Variants in PCDHGA5 observed in about 807,000 individuals in gnomAD.
PCDHGA5 encodes protocadherin gamma subfamily A, 5, also known as protocadherin gamma-A5.
PCDHGA5 carries 36 observed loss-of-function variants against 56.7 expected under a neutral mutation model. The observed-to-expected ratio is 0.64, with a 90% confidence interval of 0.49 to 0.84. PCDHGA5 has a LOEUF of 0.84. Ranked by LOEUF, PCDHGA5 falls within the 40% of genes least tolerant of loss-of-function variation. PCDHGA5 has a pLI of 0.00. For synonymous variants in PCDHGA5, 563 were observed against 520.2 expected, an observed-to-expected ratio of 1.08 and a Z score of -1.12; for missense variants, 1,305 against 1,201.5, an observed-to-expected ratio of 1.09 and a Z score of -1.27.
rs766852982 is a variant in PCDHGA5, at chr5:141,486,907, A to G, written c.2422-7900A>G. ...CCCGGCCTGGTTCCTTATGTCCCCA[A>G]GCACTGCCTCCATCAGTTGGTGCTG... On this transcript the variant is annotated intron_variant, in intron 1 of 3. Coordinates refer to ENST00000518069, the MANE Select transcript of PCDHGA5 (RefSeq NM_018918.3). The surrounding 1 kb of genome is among the most constrained non-coding windows in gnomAD (Gnocchi z 5.0). 6.2e-5 allele frequency: 100 copies of G among 1,614,122 alleles called. No homozygotes were observed. The highest frequency in any genetic ancestry group is 8.0e-5 in the Non-Finnish European group (94 of 1,180,056).
chr5:141,464,921 G>C (rs1562002597), intron 1 of PCDHGA5, among the ~76,000 whole-genome samples: 6 of 151,106 alleles, frequency 4.0e-5, no homozygotes, highest in Admixed American at 3.3e-4. Flanking sequence ...TTATTTTTTT[G>C]TAGAGATGTG....
At chr5:141,429,169 T>TACACACACACACACACAC (rs10667977) in intron 1 of PCDHGA5, 2 of 145,394 alleles carry the variant, frequency 1.4e-5, no homozygotes, top group African/African-American at 5.1e-5. Flanking sequence ...ACATTGTTTA[T>TACACACACACACACACAC]ACACACACAC....
At position 141,399,541 on chromosome 5, in the gene PCDHGA5, G is replaced by T. The variant is rs1301909841; in HGVS notation, c.2421+32790G>T. Reference sequence around the variant, plus strand: ...TGGGGCCTCCATCGCGCAAGTCTGCGCCTCGGACCTGGACTTGGGGTTGAA... The same window carrying T: ...TGGGGCCTCCATCGCGCAAGTCTGCTCCTCGGACCTGGACTTGGGGTTGAA... On this transcript the variant is annotated intron_variant, in intron 1 of 3. Transcript: ENST00000518069. 1.9e-6 allele frequency: 3 copies of T among 1,613,926 alleles called. No individual in the cohort carries two copies. In the Admixed American group the frequency reaches 5.0e-5, roughly 27 times the overall value.
At position 141,400,271 on chromosome 5, in the gene PCDHGA5, C is replaced by A. The variant is rs2093993934; in HGVS notation, c.2421+33520C>A. The A allele has an allele frequency of 4.3e-6, 7 of 1,614,094 alleles. No individual in the cohort carries two copies. In the African/African-American group the frequency reaches 9.3e-5, roughly 21 times the overall value. The stretch of plus-strand genomic sequence containing the variant: ...GTTGCCTTGCGCCTGCGACGCTCCT[C>A]CAGCCCTGCCGCCTGGAGCTGCTTC... On this transcript the variant is annotated intron_variant, in intron 1 of 3. Transcript: ENST00000518069.
intron 1 of PCDHGA5, 157 bp from the exon 2 acceptor site, chr5:141,494,645 GTGTAT>G: frequency 1.1e-6 from 1 of 935,948 alleles, no homozygotes; most frequent in Non-Finnish European, 1.3e-6. Context: ...GAGACCTGAG[GTGTAT>G]TTTGTCTTTG....
chr5:141,421,731 C>A (rs73792198), intron 1 of PCDHGA5: 144,261 of 1,613,668 alleles, frequency 0.089, 7,407 homozygotes, highest in African/African-American at 0.18. Flanking sequence ...TGAACTCCCT[C>A]CAGAGCTACC....
At chr5:141,404,472 T>C in intron 1 of PCDHGA5, 1 of 1,613,692 alleles carries the variant, frequency 6.2e-7, no homozygotes, top group Non-Finnish European at 8.5e-7. Context: ...TATGTCTCTA[T>C]TAACTCAGAC....
rs1476740920 is a variant in PCDHGA5, at chr5:141,443,326, A to AC, written c.2422-51481_2422-51480insC. Among the ~76,000 whole-genome samples the AC allele has an allele frequency of 3.3e-5, 5 of 151,792 alleles. No homozygotes were observed. The South Asian group carries it at 8.3e-4, about 25-fold the overall frequency. ...CAAAAACCCATCTCTACAAAAAAAA[A>AC]AAACAAAAATTAACAAGGTTTAGTG... On this transcript the variant is annotated intron_variant, in intron 1 of 3. Transcript: ENST00000518069.
chr5:141,381,798 C>CTCTTTCTT (rs372235829), intron 1 of PCDHGA5, among the ~76,000 whole-genome samples: 5 of 144,132 alleles, frequency 3.5e-5, no homozygotes, highest in African/African-American at 8.0e-5. Context: ...AGGCAATTCC[C>CTCTTTCTT]TCTTTCTTTC....
Position 141,512,423 on chromosome 5 carries a change from T to C in PCDHGA5, c.*1250T>C, listed in dbSNP as rs2099884220. ...GATGGGGCTTCTTCAACAGGGCCCC[T>C]GCCCTCCTGAAGCCTCAGTCCTTCA... is the stretch of plus-strand genomic sequence containing the variant. On this transcript the variant is annotated 3_prime_UTR_variant, in exon 4 of 4. Transcript: ENST00000518069. 1 of 152,754 alleles carries C rather than the reference T, an allele frequency of 6.5e-6. No individual in the cohort carries two copies. The highest frequency in any genetic ancestry group is 6.5e-5 in the Admixed American group (1 of 15,274). The allele number at this position is 152,754 out of a possible 1,614,324, so 9.5% of individuals were successfully genotyped here.
Position 141,431,709 on chromosome 5 carries a change from T to G in PCDHGA5, c.2422-63098T>G, listed in dbSNP as rs1561854893. ...CACGAGGAGTCAGGATTCTACCAGA[T>G]GGAAGTGCAAGCAATGGATAATGCA... On this transcript the variant is annotated intron_variant, in intron 1 of 3. Coordinates refer to ENST00000518069, the MANE Select transcript of PCDHGA5 (RefSeq NM_018918.3). The surrounding 1 kb of genome is among the most constrained non-coding windows in gnomAD (Gnocchi z 4.8). The G allele has an allele frequency of 6.2e-7, 1 of 1,614,168 alleles. No individual in the cohort carries two copies. Among genetic ancestry groups the G allele is most frequent in the Middle Eastern group, 1.6e-4 (1 of 6,062 alleles).
rs766503118 is a variant in PCDHGA5, at chr5:141,365,925, T to C, written c.1595T>C (p.Val532Ala). Reference sequence around the variant, plus strand: ...CAGTTGAGAGACCTACAGTTGTGGGTGACAGCCAGCGACAGTGGGAACCCT... The same window carrying C: ...CAGTTGAGAGACCTACAGTTGTGGGCGACAGCCAGCGACAGTGGGAACCCT... ...YEQLRDLQLW[V>A]TASDSGNPPL... Residue 532 changes from valine to alanine, a missense_variant, in exon 1 of 4, where the codon GTG becomes GCG. By Grantham distance (64) the Val-to-Ala change is moderately conservative. Coordinates refer to ENST00000518069, the MANE Select transcript of PCDHGA5 (RefSeq NM_018918.3). 3 of 1,614,168 alleles carry C rather than the reference T, an allele frequency of 1.9e-6. No homozygotes were observed. The highest frequency in any genetic ancestry group is 2.5e-6 in the Non-Finnish European group (3 of 1,180,020).
chr5:141,432,069 A>T lies in PCDHGA5; in HGVS notation c.2422-62738A>T. ...ACCCCGCCCCTATCCACGGAAACTC[A>T]TATCTCGCTGAACGTGGCAGACACC... is the stretch of plus-strand genomic sequence containing the variant. On this transcript the variant is annotated intron_variant, in intron 1 of 3. Coordinates refer to ENST00000518069, the MANE Select transcript of PCDHGA5 (RefSeq NM_018918.3). This position sits in a 1 kb window ranked among gnomAD's most constrained non-coding sequence, Gnocchi z 6.0. The T allele has an allele frequency of 6.2e-7, 1 of 1,614,168 alleles. No homozygotes were observed. The highest frequency in any genetic ancestry group is 8.5e-7 in the Non-Finnish European group (1 of 1,180,038).
intron 3 of PCDHGA5, 120 bp downstream of exon 3, chr5:141,505,601 C>T (rs1171679451): frequency 6.4e-7 from 1 of 1,550,630 alleles, no homozygotes; most frequent in Non-Finnish European, 8.7e-7. Flanking sequence ...GATCTTTCGG[C>T]AGGTCTGAAA....
intron 1 of PCDHGA5, among the ~76,000 whole-genome samples, chr5:141,455,133 CTG>C (rs2098814252): frequency 6.6e-6 from 1 of 151,392 alleles, no homozygotes; most frequent in African/African-American, 2.4e-5. Flanking sequence ...TTAAATTACA[CTG>C]TGTTAAATAA....
chr5:141,475,935 C>CCCGT, intron 1 of PCDHGA5: 1 of 669,050 alleles, frequency 1.5e-6, no homozygotes, highest in Middle Eastern at 4.2e-4. Flanking sequence ...CGGGCCCCTG[C>CCCGT]CCGTCCCCTT....
chr5:141,420,422 A>C, intron 1 of PCDHGA5: 1 of 1,196,438 alleles, frequency 8.4e-7, no homozygotes, highest in Non-Finnish European at 1.1e-6. Context: ...TATTAAAACA[A>C]AAGTTTAAAT....
At chr5:141,438,585 TAC>T (rs1561889967) in intron 1 of PCDHGA5, among the ~76,000 whole-genome samples, 141 of 61,160 alleles carry the variant, frequency 2.3e-3, no homozygotes, top group South Asian at 4.3e-3. Flanking sequence ...CATACATACA[TAC>T]ATACATATAT....
chr5:141,374,715 T>C (rs1260634763), intron 1 of PCDHGA5: 1 of 1,609,848 alleles, frequency 6.2e-7, no homozygotes, highest in Non-Finnish European at 8.5e-7. Context: ...TACCGCCTGG[T>C]CCTTACTGCC....
Sources: gnomAD v4.1 joint callset for allele counts (sites outside exome capture counted in the v4.1 genomes callset) on GRCh38, gnomAD v4.1.1 for gene constraint, Gnocchi (gnomAD v3.1) non-coding constraint, MANE v1.5 for transcripts, NCBI Gene and HGNC (gene_info 2026-07-23, HGNC 2026-07-21) for gene names.